Variants in SLC25A48 observed in about 807,000 individuals in gnomAD.
SLC25A48 encodes CTC-321K16.1.
In SLC25A48, 29 loss-of-function variants were observed where a neutral mutation model predicts 32.2. The observed-to-expected ratio is 0.90, with a 90% CI of 0.67 to 1.23. The LOEUF is 1.23. Ranked by LOEUF, SLC25A48 falls within the 50% of genes most tolerant of loss-of-function variation. The pLI is 0.00. For synonymous variants in SLC25A48, 164 were observed against 172.3 expected, an observed-to-expected ratio of 0.95 and a Z score of 0.38; for missense variants, 399 against 422.7, an observed-to-expected ratio of 0.94 and a Z score of 0.49.
intron 2 of SLC25A48, among the ~76,000 whole-genome samples, chr5:135,631,791 T>C (rs1206286378): frequency 6.6e-6 from 1 of 152,242 alleles, no homozygotes. Flanking sequence ...TGCTTTGCAA[T>C]TTATCCCTAT....
intron 4 of SLC25A48, among the ~76,000 whole-genome samples, chr5:135,856,704 T>C (rs1760353059): frequency 6.6e-6 from 1 of 152,214 alleles, no homozygotes; most frequent in African/African-American, 2.4e-5. Context: ...GGGTCATGTC[T>C]TGGCACAATT....
At chr5:135,759,131 TATC>T (rs1290769231) in intron 3 of SLC25A48, among the ~76,000 whole-genome samples, 1 of 152,080 alleles carries the variant, frequency 6.6e-6, no homozygotes, top group African/African-American at 2.4e-5. Flanking sequence ...ATATGGATAA[TATC>T]ATTTTGTGTT....
intron 2 of SLC25A48, among the ~76,000 whole-genome samples, chr5:135,634,219 G>A (rs1424453930): frequency 6.6e-6 from 1 of 152,206 alleles, no homozygotes; most frequent in Non-Finnish European, 1.5e-5. Flanking sequence ...AGAGGGATGT[G>A]GTGGACACTT....
intron 4 of SLC25A48, among the ~76,000 whole-genome samples, chr5:135,816,207 C>T (rs1408859894): frequency 6.6e-6 from 1 of 152,198 alleles, no homozygotes; most frequent in Non-Finnish European, 1.5e-5. Context: ...CACCAGGTTC[C>T]TCCCTCAACA....
chr5:135,620,083 G>C (rs763269397), intron 1 of SLC25A48, among the ~76,000 whole-genome samples: 2 of 152,150 alleles, frequency 1.3e-5, no homozygotes, highest in Non-Finnish European at 2.9e-5. Context: ...CAATAGCAGT[G>C]GTCAGACAAC....
intron 4 of SLC25A48, among the ~76,000 whole-genome samples, chr5:135,823,037 C>A (rs903983082): frequency 6.6e-6 from 1 of 152,094 alleles, no homozygotes; most frequent in Non-Finnish European, 1.5e-5. Context: ...ACCAAGGAGT[C>A]TGGCTTAGGA....
chr5:135,750,619 A>G (rs1244073872), intron 3 of SLC25A48, among the ~76,000 whole-genome samples: 1 of 152,116 alleles, frequency 6.6e-6, no homozygotes, highest in African/African-American at 2.4e-5. Context: ...CTATACAGGG[A>G]TGGGGGGCAA....
At chr5:135,701,493 A>G (rs1384092052) in intron 3 of SLC25A48, among the ~76,000 whole-genome samples, 2 of 151,774 alleles carry the variant, frequency 1.3e-5, no homozygotes, top group Non-Finnish European at 2.9e-5. Flanking sequence ...CCCCCACCAC[A>G]TATACACCCT....
At chr5:135,775,976 T>A (rs1488165233) in intron 3 of SLC25A48, among the ~76,000 whole-genome samples, 1 of 151,738 alleles carries the variant, frequency 6.6e-6, no homozygotes, top group East Asian at 1.9e-4. Flanking sequence ...GTGATATTAC[T>A]CCCAATATCA....
intron 3 of SLC25A48, among the ~76,000 whole-genome samples, chr5:135,763,754 A>AACACACACACACACACACACACACAC (rs747888245): frequency 4.1e-5 from 6 of 145,898 alleles, no homozygotes; most frequent in South Asian, 2.2e-4. Context: ...GAGAAATAGG[A>AACACACACACACACACACACACACAC]ACACACACAT....
intron 3 of SLC25A48, among the ~76,000 whole-genome samples, chr5:135,728,526 C>A (rs1408858502): frequency 6.6e-6 from 1 of 152,146 alleles, no homozygotes; most frequent in Non-Finnish European, 1.5e-5. Context: ...TAATCCCTCA[C>A]TGTTGCATAC....
chr5:135,713,630 C>G (rs1201581901), intron 3 of SLC25A48, among the ~76,000 whole-genome samples: 1 of 152,222 alleles, frequency 6.6e-6, no homozygotes, highest in Non-Finnish European at 1.5e-5. Flanking sequence ...AGGCTTCCAA[C>G]TTTGCATCTC....
chr5:135,800,960 C>A (rs1344416152), intron 3 of SLC25A48, among the ~76,000 whole-genome samples: 1 of 150,874 alleles, frequency 6.6e-6, no homozygotes, highest in Non-Finnish European at 1.5e-5. Context: ...AGGGTTATAA[C>A]ACTCCCCATA....
chr5:135,779,352 A>T (rs1347796469), intron 3 of SLC25A48, among the ~76,000 whole-genome samples: 2 of 151,682 alleles, frequency 1.3e-5, no homozygotes, highest in African/African-American at 2.4e-5. Context: ...TGTTACAGTC[A>T]ATATTGCAGG....
At chr5:135,818,895 A>G (rs1252919062) in intron 4 of SLC25A48, among the ~76,000 whole-genome samples, 1 of 152,196 alleles carries the variant, frequency 6.6e-6, no homozygotes, top group East Asian at 1.9e-4. Context: ...AAAAAAAACC[A>G]AATGAAAATG....
chr5:135,770,823 G>T (rs1756388446), intron 3 of SLC25A48, among the ~76,000 whole-genome samples: 1 of 151,738 alleles, frequency 6.6e-6, no homozygotes, highest in African/African-American at 2.4e-5. Flanking sequence ...CTGTGATATT[G>T]TTCCTAATAT....
intron 2 of SLC25A48, among the ~76,000 whole-genome samples, chr5:135,849,519 C>T (rs1759667473): frequency 6.6e-6 from 1 of 152,174 alleles, no homozygotes; most frequent in African/African-American, 2.4e-5. Context: ...CAGAGGCCAC[C>T]ACACATTAGC....
chr5:135,624,596 T>G (rs938223359), intron 1 of SLC25A48, among the ~76,000 whole-genome samples: 1 of 152,254 alleles, frequency 6.6e-6, no homozygotes, highest in African/African-American at 2.4e-5. Flanking sequence ...CTGCCTCTTG[T>G]AAAATGAATA....
chr5:135,768,741 G>A (rs548549207), intron 3 of SLC25A48, among the ~76,000 whole-genome samples: 1 of 151,852 alleles, frequency 6.6e-6, no homozygotes, highest in African/African-American at 2.4e-5. Context: ...CAGGGAGGGA[G>A]AGGATGATAT....
Sources: allele counts gnomAD v4.1 joint callset (sites outside exome capture counted in the v4.1 genomes callset), GRCh38; gene constraint gnomAD v4.1.1; transcripts MANE v1.5; gene names NCBI Gene and HGNC (gene_info 2026-07-23, HGNC 2026-07-21).